ANK3: variants seen among roughly 807,000 people sequenced by gnomAD.
ANK3 encodes the protein ankyrin 3.
In ANK3, 57 loss-of-function variants were observed where a neutral mutation model predicts 370.9. That is an observed-to-expected ratio of 0.15 (90% CI 0.12 to 0.19). The LOEUF (loss-of-function observed/expected upper bound fraction) is 0.19. Ranked by LOEUF, ANK3 falls within the 10% of genes least tolerant of loss-of-function variation. ANK3 has a pLI of 1.00. For missense variants in ANK3, 4,439 were observed against 5,302.1 expected, an observed-to-expected ratio of 0.84 and a Z score of 5.06; for synonymous variants, 1,929 against 1,946.3, an observed-to-expected ratio of 0.99 and a Z score of 0.23.
At chr10:60,618,612 G>A (rs1239404583) in intron 1 of ANK3, among the ~76,000 whole-genome samples, 1 of 152,098 alleles carries the variant, frequency 6.6e-6, no homozygotes, top group Non-Finnish European at 1.5e-5. Context: ...AGAAGGAGAT[G>A]GTGGTAAACA....
chr10:60,723,514 C>T (rs1032146185), intron 1 of ANK3, among the ~76,000 whole-genome samples: 1 of 152,164 alleles, frequency 6.6e-6, no homozygotes, highest in Non-Finnish European at 1.5e-5. Flanking sequence ...CAGGTGGACA[C>T]TGGGGTCAAA....
chr10:60,308,491 G>A (rs181214021), intron 1 of ANK3, among the ~76,000 whole-genome samples: 99 of 152,080 alleles, frequency 6.5e-4, no homozygotes, highest in Middle Eastern at 3.4e-3. Context: ...GGCAAGGCTG[G>A]TCTCGAACTC....
At chr10:60,123,279 A>T (rs1189567777) in intron 25 of ANK3, among the ~76,000 whole-genome samples, 1 of 152,184 alleles carries the variant, frequency 6.6e-6, no homozygotes, top group African/African-American at 2.4e-5. Flanking sequence ...TTCAACTGAA[A>T]ATGCACATTA....
At chr10:60,587,067 AC>A (rs1278949537) in intron 2 of ANK3, among the ~76,000 whole-genome samples, 1 of 152,226 alleles carries the variant, frequency 6.6e-6, no homozygotes, top group Non-Finnish European at 1.5e-5. Context: ...TTGGAAACTT[AC>A]AATCATGGTG....
At chr10:60,102,387 C>A (rs1230864452) in intron 28 of ANK3, among the ~76,000 whole-genome samples, 1 of 152,004 alleles carries the variant, frequency 6.6e-6, no homozygotes, top group African/African-American at 2.4e-5. Context: ...TATATTAGCT[C>A]ATCTATTCCT....
chr10:60,057,641 C>T (rs913415133), intron 41 of ANK3, among the ~76,000 whole-genome samples: 1 of 152,210 alleles, frequency 6.6e-6, no homozygotes, highest in African/African-American at 2.4e-5. Context: ...ATTCTGATAA[C>T]AGGAGCAAAG....
At chr10:60,611,053 G>A (rs1359319002) in intron 2 of ANK3, among the ~76,000 whole-genome samples, 1 of 152,092 alleles carries the variant, frequency 6.6e-6, no homozygotes, top group Non-Finnish European at 1.5e-5. Context: ...TTCTATATGA[G>A]TAAATTATAT....
intron 21 of ANK3, among the ~76,000 whole-genome samples, chr10:60,170,228 G>T (rs2095747424): frequency 6.6e-6 from 1 of 152,156 alleles, no homozygotes; most frequent in South Asian, 2.1e-4. Flanking sequence ...GTCTTTCTCA[G>T]CATTGCCACA....
rs139226268 is a variant in ANK3 at position 60,577,180 on chromosome 10, C to T, written c.96+38006G>A. On this transcript the variant is annotated intron_variant, in intron 2 of 43. Coordinates refer to the ANK3 transcript ENST00000373827. ...GAGGGAATAGGTGGCCATTCTTCTT[C>T]CCACAGAGCTGGCATTGTCTTAGGC... 5.1e-4 allele frequency among the ~76,000 whole-genome samples: 77 copies of T among 152,290 alleles called. 1 individual carries two copies. Among genetic ancestry groups the T allele is most frequent in the African/African-American group, 1.7e-3 (71 of 41,576 alleles).
At chr10:60,689,391 C>T (rs559347656) in intron 1 of ANK3, among the ~76,000 whole-genome samples, 49 of 152,024 alleles carry the variant, frequency 3.2e-4, no homozygotes, top group African/African-American at 1.2e-3. Flanking sequence ...AGAGTGAGAC[C>T]CTGTCTCAAA....
intron 2 of ANK3, among the ~76,000 whole-genome samples, chr10:60,464,237 T>A (rs182173604): frequency 1.7e-4 from 26 of 152,340 alleles, no homozygotes; most frequent in African/African-American, 6.0e-4. Context: ...AAGTATTTAT[T>A]CAGGAAAGAA....
chr10:60,519,861 G>A (rs2076308537), intron 2 of ANK3, among the ~76,000 whole-genome samples: 1 of 152,146 alleles, frequency 6.6e-6, no homozygotes, highest in African/African-American at 2.4e-5. Flanking sequence ...ATGATGGTTT[G>A]TATATGTGTG....
At chr10:60,103,139 C>T (rs1057066333) in intron 28 of ANK3, among the ~76,000 whole-genome samples, 26 of 151,800 alleles carry the variant, frequency 1.7e-4, no homozygotes, top group Admixed American at 3.9e-4. Context: ...TTAGTAGAGA[C>T]GGGGGTTTCA....
intron 7 of ANK3, among the ~76,000 whole-genome samples, chr10:60,256,440 T>C (rs2097736590): frequency 6.6e-6 from 1 of 152,214 alleles, no homozygotes; most frequent in Admixed American, 6.5e-5. Flanking sequence ...ATGCATGTGC[T>C]AAGCCATGTT....
intron 2 of ANK3, among the ~76,000 whole-genome samples, chr10:60,467,703 A>T (rs540314669): frequency 9.2e-5 from 14 of 152,150 alleles, no homozygotes; most frequent in Non-Finnish European, 1.6e-4. Context: ...GAACTAAAAA[A>T]TATTTCCCAG....
chr10:60,151,843 G>C (rs981858786), intron 23 of ANK3, among the ~76,000 whole-genome samples: 1 of 152,174 alleles, frequency 6.6e-6, no homozygotes, highest in African/African-American at 2.4e-5. Context: ...CAGCACTGAT[G>C]TTGTGTGACC....
chr10:60,427,257 A>G (rs1464738304), intron 2 of ANK3, among the ~76,000 whole-genome samples: 1 of 152,160 alleles, frequency 6.6e-6, no homozygotes, highest in African/African-American at 2.4e-5. Flanking sequence ...TCTGGTTCAG[A>G]TTAACTAGTG....
At chr10:60,041,432 G>A (rs1405745705) in intron 43 of ANK3, among the ~76,000 whole-genome samples, 2 of 152,334 alleles carry the variant, frequency 1.3e-5, no homozygotes, top group East Asian at 3.9e-4. Context: ...GAGGCAGCTT[G>A]TTCGGGTTTG....
At chr10:60,189,053 C>T (rs1489297120) in intron 16 of ANK3, among the ~76,000 whole-genome samples, 3 of 152,252 alleles carry the variant, frequency 2.0e-5, no homozygotes, top group Non-Finnish European at 2.9e-5. Flanking sequence ...CATGCATCTT[C>T]TCTTTTTGCT....
Sources: gnomAD v4.1 joint callset for allele counts (sites outside exome capture counted in the v4.1 genomes callset) on GRCh38, gnomAD v4.1.1 for gene constraint, MANE v1.5 for transcripts, NCBI Gene and HGNC (gene_info 2026-07-23, HGNC 2026-07-21) for gene names.